Variants in FYB2 observed in about 807,000 individuals in gnomAD.
FYB2 encodes the protein FYN-binding protein 2.
A neutral mutation model predicts 94.1 loss-of-function variants in FYB2; 103 were observed. The ratio of observed to expected loss-of-function variants is 1.09; its 90% CI spans 0.93 to 1.29. The LOEUF (loss-of-function observed/expected upper bound fraction) is 1.29. FYB2 is among the 50% of genes most tolerant of loss of function. The pLI is 0.00. For missense variants in FYB2, 896 were observed against 841.5 expected, an observed-to-expected ratio of 1.06 and a Z score of -0.80; for synonymous variants, 293 against 287.9, an observed-to-expected ratio of 1.02 and a Z score of -0.18.
At chr1:56,798,178 A>T (rs1646443216) in intron 1 of FYB2, among the ~76,000 whole-genome samples, 2 of 152,326 alleles carry the variant, frequency 1.3e-5, no homozygotes, top group East Asian at 1.9e-4. Context: ...CAGAATCTTA[A>T]TTTTTTCCTG....
intron 6 of FYB2, 82 bp from the exon 7 acceptor site, chr1:56,756,009 T>G: frequency 7.3e-7 from 1 of 1,368,900 alleles, no homozygotes. Flanking sequence ...CATTAGAGAC[T>G]ACACCAAAAG....
At position 56,792,814 on chromosome 1, in the gene FYB2, G is replaced by T. The variant is rs1436490044; in HGVS notation, c.10-11C>A. 3.2e-6 allele frequency: 5 copies of T among 1,582,722 alleles called. No homozygotes were observed. Among genetic ancestry groups the T allele is most frequent in the Non-Finnish European group, 3.4e-6 (4 of 1,166,576 alleles). On this transcript the variant is annotated splice_polypyrimidine_tract_variant and intron_variant, in intron 1 of 19. Coordinates refer to ENST00000343433, the MANE Select transcript of FYB2 (RefSeq NM_001004303.5). Reference sequence around the variant, plus strand: ...GTTTCTTACCCCTTCCTAAGGCAAAGAATAATCAAACAAACAAACAAAAAC... The same window carrying T: ...GTTTCTTACCCCTTCCTAAGGCAAATAATAATCAAACAAACAAACAAAAAC...
intron 4 of FYB2, among the ~76,000 whole-genome samples, chr1:56,784,196 A>G (rs1239484146): frequency 6.6e-6 from 1 of 152,180 alleles, no homozygotes; most frequent in Non-Finnish European, 1.5e-5. Flanking sequence ...TTGGAGAAGA[A>G]TGTAGTCCTT....
In FYB2 at chr1:56,756,040, G is replaced by A; in HGVS notation, c.1099-113C>T. ...AAAAGGTGAGGGGGATGAAGCCTCA[G>A]TAGAGAGCAAAGGCAGACACTGACC... On this transcript the variant is annotated intron_variant, in intron 6 of 19. Coordinates refer to ENST00000343433, the MANE Select transcript of FYB2 (RefSeq NM_001004303.5). The A allele has an allele frequency of 3.1e-6, 3 of 975,504 alleles. No individual in the cohort carries two copies. In the South Asian group the frequency reaches 4.7e-5, roughly 15 times the overall value. 60.4% of individuals were successfully genotyped at this position (975,504 alleles called of 1,614,324 possible). A position where few individuals can be genotyped will look rare whatever the true frequency, so the allele number is the denominator to read the frequency against.
intron 1 of FYB2, among the ~76,000 whole-genome samples, chr1:56,816,716 C>A (rs1385170906): frequency 6.6e-6 from 1 of 152,146 alleles, no homozygotes; most frequent in Non-Finnish European, 1.5e-5. Context: ...ACTCTAAACC[C>A]ACCTATGTAG....
intron 15 of FYB2, among the ~76,000 whole-genome samples, chr1:56,727,070 AG>A (rs1644599726): frequency 6.6e-6 from 1 of 152,238 alleles, no homozygotes; most frequent in African/African-American, 2.4e-5. Flanking sequence ...GGAAGGGAGA[AG>A]GTATTTATTA....
chr1:56,739,261 T>C (rs1332433309), intron 13 of FYB2, among the ~76,000 whole-genome samples: 1 of 152,104 alleles, frequency 6.6e-6, no homozygotes, highest in Admixed American at 6.6e-5. Flanking sequence ...TCAAATATTA[T>C]GGGACTGCCG....
At chr1:56,800,544 T>C (rs542206171) in intron 1 of FYB2, among the ~76,000 whole-genome samples, 1 of 152,272 alleles carries the variant, frequency 6.6e-6, no homozygotes, top group East Asian at 1.9e-4. Context: ...GTCACATGAG[T>C]ACTTTTCACC....
intron 1 of FYB2, among the ~76,000 whole-genome samples, chr1:56,817,620 T>C (rs1342377): frequency 1 from 152,292 of 152,328 alleles, 76,128 homozygotes; most frequent in Middle Eastern, 1. Flanking sequence ...ACACAAACCA[T>C]GTCCTCAATA....
chr1:56,770,296 C>T (rs1182080032), intron 4 of FYB2, among the ~76,000 whole-genome samples: 8 of 152,182 alleles, frequency 5.3e-5, no homozygotes, highest in Non-Finnish European at 8.8e-5. Flanking sequence ...CACCTCCACT[C>T]TTCCCTGTAC....
At chr1:56,740,394 A>G (rs537153658) in intron 13 of FYB2, among the ~76,000 whole-genome samples, 1 of 152,196 alleles carries the variant, frequency 6.6e-6, no homozygotes, top group East Asian at 1.9e-4. Flanking sequence ...TAACAACAGG[A>G]ATAGGATGTT....
At chr1:56,814,195 G>T (rs1557675753) in intron 1 of FYB2, among the ~76,000 whole-genome samples, 1 of 152,206 alleles carries the variant, frequency 6.6e-6, no homozygotes, top group Non-Finnish European at 1.5e-5. Flanking sequence ...GAACATGAGG[G>T]ATGTGGTGCG....
chr1:56,824,545 C>T (rs1301671936), upstream of FYB2: 2 of 152,174 alleles, frequency 1.3e-5, no homozygotes, highest in African/African-American at 4.8e-5. Flanking sequence ...ACTGTTTCTC[C>T]TTATGAGGAG....
In FYB2 at chr1:56,777,004, C is replaced by T. The variant is rs1244125811; in HGVS notation, c.954-9066G>A. On this transcript the variant is annotated intron_variant, in intron 4 of 19. Coordinates refer to ENST00000343433, the MANE Select transcript of FYB2 (RefSeq NM_001004303.5). The stretch of plus-strand genomic sequence containing the variant: ...ATCCCAGCACTTTGGGAGGCCGAGG[C>T]GGGCGGATCACGAGGTCAGGAGATC... Among the ~76,000 whole-genome samples the T allele has an allele frequency of 7.7e-5, 4 of 51,844 alleles. 2 individuals are homozygous for T. The highest frequency in any genetic ancestry group is 1.2e-4 in the Non-Finnish European group (4 of 32,620). The allele number at this position is 51,844 out of a possible 152,430, so 34.0% of individuals were successfully genotyped here. A position where few individuals can be genotyped will look rare whatever the true frequency, so the allele number is the denominator to read the frequency against.
At chr1:56,773,480 T>C (rs543810810) in intron 4 of FYB2, among the ~76,000 whole-genome samples, 2 of 152,306 alleles carry the variant, frequency 1.3e-5, no homozygotes, top group East Asian at 1.9e-4. Flanking sequence ...GGCTGTGTGG[T>C]CTTGAGCAGT....
chr1:56,788,814 C>A, intron 3 of FYB2, 159 bp downstream of exon 3: 1 of 1,031,428 alleles, frequency 9.7e-7, no homozygotes, highest in Non-Finnish European at 1.4e-6. Flanking sequence ...ACAGAGACAT[C>A]GTTTCATGGG....
chr1:56,820,863 G>A (rs1646983150), upstream of FYB2, among the ~76,000 whole-genome samples: 1 of 152,168 alleles, frequency 6.6e-6, no homozygotes, highest in African/African-American at 2.4e-5. Context: ...CCCCAAAGCA[G>A]TACTCACTCT....
intron 4 of FYB2, among the ~76,000 whole-genome samples, chr1:56,770,595 G>A (rs1267670545): frequency 2.6e-5 from 4 of 151,892 alleles, no homozygotes; most frequent in Non-Finnish European, 5.9e-5. Flanking sequence ...AGACCTCAAG[G>A]ATGGCTTAAC....
intron 7 of FYB2, 123 bp downstream of exon 7, chr1:56,755,773 C>G (rs1241723609): frequency 1.1e-6 from 1 of 920,308 alleles, no homozygotes; most frequent in African/African-American, 1.7e-5. Flanking sequence ...TTGCAAGGTG[C>G]CGGGGAAACT....
Sources: gnomAD v4.1 joint callset for allele counts (sites outside exome capture counted in the v4.1 genomes callset) on GRCh38, gnomAD v4.1.1 for gene constraint, MANE v1.5 for transcripts, NCBI Gene and HGNC (gene_info 2026-07-23, HGNC 2026-07-21) for gene names.